The following EEFSEC variants were observed in gnomAD, a reference collection of about 807,000 sequenced individuals.
EEFSEC encodes eukaryotic elongation factor, selenocysteine-tRNA specific.
Under a neutral mutation model 42.1 loss-of-function variants are expected in EEFSEC, and 43 were observed. The ratio of observed to expected loss-of-function variants is 1.02; its 90% CI spans 0.80 to 1.32. The LOEUF (loss-of-function observed/expected upper bound fraction) is 1.32, where lower values mean the gene tolerates loss of function less well. Ranked by LOEUF, EEFSEC falls within the 40% of genes most tolerant of loss-of-function variation. The pLI is 0.00. For synonymous variants in EEFSEC, 354 were observed against 339.1 expected, an observed-to-expected ratio of 1.04 and a Z score of -0.48; for missense variants, 745 against 803.6, an observed-to-expected ratio of 0.93 and a Z score of 0.88.
chr3:128,316,561 T>C (rs1209816552), intron 4 of EEFSEC, among the ~76,000 whole-genome samples: 1 of 152,174 alleles, frequency 6.6e-6, no homozygotes, highest in East Asian at 1.9e-4. Flanking sequence ...CTGCACAGCA[T>C]CTCAGCATGT....
chr3:128,306,401 T>C (rs1028870696), intron 4 of EEFSEC, among the ~76,000 whole-genome samples: 33 of 152,348 alleles, frequency 2.2e-4, no homozygotes, highest in African/African-American at 7.7e-4. Context: ...ATCCTCACTG[T>C]AAATTAAGCC....
In EEFSEC at chr3:128,222,031, T is replaced by G. The variant is rs1199325304; in HGVS notation, c.317-24805T>G. On this transcript the variant is annotated intron_variant, in intron 1 of 6. Transcript: ENST00000254730. Reference sequence around the variant, plus strand: ...CTTCGTGTGTTTTTTCAAAGTTTTTTTTTTTTTTTTTTTTTTTTTTGAGAC... The same window carrying G: ...CTTCGTGTGTTTTTTCAAAGTTTTTGTTTTTTTTTTTTTTTTTTTTGAGAC... Among the ~76,000 whole-genome samples, 148 of 142,150 alleles carry G rather than the reference T, an allele frequency of 1.0e-3. 7 individuals are homozygous for G. The East Asian group carries it at 0.013, about 13-fold the overall frequency. 93.3% of individuals were successfully genotyped at this position (142,150 alleles called of 152,430 possible).
At chr3:128,358,493 C>G (rs539849357) in intron 6 of EEFSEC, 120 bp downstream of exon 6, 1 of 1,432,708 alleles carries the variant, frequency 7.0e-7, no homozygotes, top group Non-Finnish European at 9.4e-7. Flanking sequence ...TGCCGAGACA[C>G]GGGGTGACTT....
intron 1 of EEFSEC, among the ~76,000 whole-genome samples, chr3:128,237,578 CA>C (rs1177947576): frequency 6.6e-6 from 1 of 152,218 alleles, no homozygotes. Flanking sequence ...GTGCAGCCAG[CA>C]AATGGACTTG....
chr3:128,420,889 T>C, the EEFSEC span, among the ~76,000 whole-genome samples: 1 of 152,036 alleles, frequency 6.6e-6, no homozygotes, highest in Non-Finnish European at 1.5e-5. Flanking sequence ...CTTGGAAACA[T>C]ATGCAGGTTC....
At chr3:128,424,254 G>A in the EEFSEC span, among the ~76,000 whole-genome samples, 9 of 152,286 alleles carry the variant, frequency 5.9e-5, no homozygotes, top group South Asian at 2.1e-4. Flanking sequence ...CTCCTCAATG[G>A]GCAGAAAGTA....
intron 4 of EEFSEC, among the ~76,000 whole-genome samples, chr3:128,300,858 G>C (rs1031068972): frequency 6.6e-6 from 1 of 152,004 alleles, no homozygotes; most frequent in African/African-American, 2.4e-5. Context: ...AGCATAAATA[G>C]ATACTTAGTG....
chr3:128,309,105 G>T (rs956972221), intron 4 of EEFSEC, among the ~76,000 whole-genome samples: 1 of 152,228 alleles, frequency 6.6e-6, no homozygotes, highest in African/African-American at 2.4e-5. Context: ...GAAAGTGAAG[G>T]TTTATTTGTT....
At chr3:128,412,831 C>T (rs541551168), downstream of EEFSEC, among the ~76,000 whole-genome samples, 1 of 152,292 alleles carries the variant, frequency 6.6e-6, no homozygotes, top group Non-Finnish European at 1.5e-5. Context: ...CAAGGCTCTA[C>T]AGGGGCTCCA....
chr3:128,194,228 C>T (rs2107807522), intron 1 of EEFSEC, among the ~76,000 whole-genome samples: 1 of 152,278 alleles, frequency 6.6e-6, no homozygotes, highest in East Asian at 1.9e-4. Context: ...GGTGTCTGAG[C>T]CTCTTGGGAC....
At chr3:128,362,846 C>T (rs2067545058) in intron 6 of EEFSEC, among the ~76,000 whole-genome samples, 1 of 152,228 alleles carries the variant, frequency 6.6e-6, no homozygotes, top group African/African-American at 2.4e-5. Flanking sequence ...AAAGGGTACT[C>T]ATATCTCAGG....
chr3:128,184,191 A>G (rs2065441009), intron 1 of EEFSEC, among the ~76,000 whole-genome samples: 2 of 152,208 alleles, frequency 1.3e-5, no homozygotes, highest in Non-Finnish European at 2.9e-5. Flanking sequence ...CATATTCATA[A>G]TATAAGATTT....
rs762617178 is a variant in EEFSEC at position 128,341,481 on chromosome 3, G to T, written c.1035G>T (p.Met345Ile). The change falls in exon 5 of 7, where the codon ATG (methionine) becomes ATT (isoleucine). Residue 345 changes from methionine (M) to isoleucine (I), a missense_variant. Transcript: ENST00000254730. The stretch of plus-strand genomic sequence containing the variant: ...TTACAGTGGGCCATGAAACAGTCAT[G>T]GGCCGGTTGATGTTCTTCAGTCCTG... Reference protein sequence around the residue: ...FHITVGHETVMGRLMFFSPAP... With the variant: ...FHITVGHETVIGRLMFFSPAP... 1 of 1,614,040 alleles carries T rather than the reference G, an allele frequency of 6.2e-7. No individual in the cohort carries two copies. Among genetic ancestry groups the T allele is most frequent in the African/African-American group, 1.3e-5 (1 of 74,944 alleles).
chr3:128,259,626 G>A (rs966443860), intron 2 of EEFSEC, among the ~76,000 whole-genome samples: 1 of 152,136 alleles, frequency 6.6e-6, no homozygotes, highest in Non-Finnish European at 1.5e-5. Flanking sequence ...ACAGGAAATT[G>A]TATTCATTAA....
chr3:128,175,112 C>A (rs2065335454), intron 1 of EEFSEC, among the ~76,000 whole-genome samples: 1 of 151,664 alleles, frequency 6.6e-6, no homozygotes, highest in Non-Finnish European at 1.5e-5. Context: ...CTCTGCTCTA[C>A]TCCTCCTCCC....
chr3:128,306,135 T>C (rs1197837473), intron 4 of EEFSEC, among the ~76,000 whole-genome samples: 2 of 152,208 alleles, frequency 1.3e-5, no homozygotes, highest in African/African-American at 4.8e-5. Context: ...GTCTGTGTCA[T>C]GTCAGCTGTT....
chr3:128,388,458 G>C (rs536381610), intron 6 of EEFSEC, among the ~76,000 whole-genome samples: 1 of 152,348 alleles, frequency 6.6e-6, no homozygotes, highest in East Asian at 1.9e-4. Flanking sequence ...CAGCGGGCTT[G>C]GCCAGGGTCC....
intron 4 of EEFSEC, among the ~76,000 whole-genome samples, chr3:128,275,207 C>A (rs972295635): frequency 6.6e-6 from 1 of 152,188 alleles, no homozygotes. Flanking sequence ...CAGCCAGTGT[C>A]AGAGCCCCAG....
the EEFSEC span, among the ~76,000 whole-genome samples, chr3:128,425,435 G>T: frequency 2.0e-5 from 3 of 152,128 alleles, no homozygotes; most frequent in African/African-American, 7.2e-5. Context: ...TCCAGTTTGG[G>T]GTGACTGTGA....
Sources: allele counts gnomAD v4.1 joint callset (sites outside exome capture counted in the v4.1 genomes callset), GRCh38; gene constraint gnomAD v4.1.1; transcripts MANE v1.5; gene names NCBI Gene and HGNC (gene_info 2026-07-23, HGNC 2026-07-21).